DENND1B: variants seen among roughly 807,000 people sequenced by gnomAD.
The protein encoded by DENND1B is DENN domain containing 1B.
Under a neutral mutation model 90.1 loss-of-function variants are expected in DENND1B, and 59 were observed. That is an observed-to-expected ratio of 0.65 (90% confidence interval 0.53 to 0.81). The LOEUF is 0.81. Among genes scored for constraint, DENND1B ranks in the 40% least tolerant of loss-of-function variants. DENND1B has a pLI of 0.00. For synonymous variants in DENND1B, 337 were observed against 324.6 expected (o/e 1.04, Z -0.41); for missense variants, 862 against 912.6 (o/e 0.94, Z 0.71).
intron 2 of DENND1B, among the ~76,000 whole-genome samples, chr1:197,770,079 G>C (rs543358667): frequency 2.0e-5 from 3 of 151,928 alleles, no homozygotes; most frequent in Non-Finnish European, 4.4e-5. Flanking sequence ...TAAAATATTA[G>C]CCATATTCAT....
intron 2 of DENND1B, among the ~76,000 whole-genome samples, chr1:197,763,459 C>T (rs1053429212): frequency 4.6e-5 from 7 of 152,264 alleles, no homozygotes; most frequent in Admixed American, 2.0e-4. Flanking sequence ...AACAATCCAA[C>T]AAATATTTAC....
At chr1:197,571,045 A>C (rs1673105403) in intron 15 of DENND1B, among the ~76,000 whole-genome samples, 1 of 143,998 alleles carries the variant, frequency 6.9e-6, no homozygotes, top group African/African-American at 2.6e-5. Context: ...ACTCTAACCC[A>C]TAAGTAAGAG....
In DENND1B at chr1:197,545,906, T is replaced by C. The variant is rs1452758262; in HGVS notation, c.1350+16A>G. The C allele has an allele frequency of 1.3e-6, 2 of 1,588,056 alleles. No homozygotes were observed. The highest frequency in any genetic ancestry group is 2.3e-5 in the South Asian group (2 of 85,506). ...TAATTTCATAAATAGGATTGTTAAA[T>C]ATCAAAAAAACTTACAAATTTATAT... is the stretch of plus-strand genomic sequence containing the variant. On this transcript the variant is annotated intron_variant, in intron 18 of 22. Coordinates refer to ENST00000620048, the MANE Select transcript of DENND1B (RefSeq NM_001195215.2).
intron 12 of DENND1B, among the ~76,000 whole-genome samples, chr1:197,607,844 A>C (rs1443445253): frequency 6.6e-6 from 1 of 150,762 alleles, no homozygotes; most frequent in Non-Finnish European, 1.5e-5. Context: ...TCTACAAATA[A>C]TAGTAAATAA....
chr1:197,775,432 T>G lies in DENND1B; in HGVS notation c.-277A>C. 3.3e-6 allele frequency: 1 copy of G among 300,404 alleles called. No homozygotes were observed. Among genetic ancestry groups the G allele is most frequent in the Non-Finnish European group, 6.1e-6 (1 of 163,396 alleles). 18.6% of individuals were successfully genotyped at this position (300,404 alleles called of 1,614,324 possible). Reference sequence around the variant, plus strand: ...TAGCCGCCACCAAAGCTGAGGCCTCTCAGTTCCTGCGACCGGGGCCGCCCG... The same window carrying G: ...TAGCCGCCACCAAAGCTGAGGCCTCGCAGTTCCTGCGACCGGGGCCGCCCG... On this transcript the variant is annotated 5_prime_UTR_variant, in exon 1 of 23. Transcript: ENST00000620048.
chr1:197,707,818 G>A (rs916089219), intron 3 of DENND1B, among the ~76,000 whole-genome samples: 4 of 147,558 alleles, frequency 2.7e-5, no homozygotes, highest in South Asian at 4.2e-4. Context: ...CTGAGGTACC[G>A]GGTTCATCTC....
chr1:197,702,274 G>C (rs1194657782), intron 3 of DENND1B, among the ~76,000 whole-genome samples: 1 of 151,978 alleles, frequency 6.6e-6, no homozygotes, highest in Non-Finnish European at 1.5e-5. Flanking sequence ...TATAACTTTG[G>C]CTTAATAAAA....
chr1:197,565,832 T>C (rs1201679649), intron 15 of DENND1B, among the ~76,000 whole-genome samples: 1 of 150,270 alleles, frequency 6.7e-6, no homozygotes, highest in African/African-American at 2.5e-5. Flanking sequence ...TCATTTTTTA[T>C]GGCTGCATAG....
intron 7 of DENND1B, 67 bp from the exon 8 acceptor site, chr1:197,647,181 C>T (rs910782045): frequency 3.8e-5 from 43 of 1,141,094 alleles, no homozygotes; most frequent in Non-Finnish European, 4.8e-5. Flanking sequence ...CAACAATTTG[C>T]TGTGTAATTG....
intron 15 of DENND1B, among the ~76,000 whole-genome samples, chr1:197,580,899 G>A (rs574431461): frequency 6.6e-6 from 1 of 151,978 alleles, no homozygotes; most frequent in Non-Finnish European, 1.5e-5. Flanking sequence ...TAAATATTAC[G>A]TTTTAAATTG....
At chr1:197,530,303 T>C (rs1175162670) in intron 20 of DENND1B, among the ~76,000 whole-genome samples, 1 of 152,212 alleles carries the variant, frequency 6.6e-6, no homozygotes, top group Non-Finnish European at 1.5e-5. Context: ...CCCATTTTCA[T>C]CTTTTGAAAA....
chr1:197,569,524 CTGTCCATGAATGGATGAA>C (rs1672968513), intron 15 of DENND1B, among the ~76,000 whole-genome samples: 1 of 151,342 alleles, frequency 6.6e-6, no homozygotes, highest in Non-Finnish European at 1.5e-5. Context: ...ATCAACCTAA[CTGTCCATGAATGGATGAA>C]TACAAAAAGA....
At chr1:197,584,066 C>T (rs988577222) in intron 14 of DENND1B, among the ~76,000 whole-genome samples, 7 of 151,802 alleles carry the variant, frequency 4.6e-5, no homozygotes, top group Non-Finnish European at 1.0e-4. Flanking sequence ...AAAATGATTC[C>T]TTCATTACAA....
intron 20 of DENND1B, among the ~76,000 whole-genome samples, chr1:197,515,196 T>C (rs1668312498): frequency 1.3e-5 from 2 of 151,580 alleles, no homozygotes; most frequent in South Asian, 2.1e-4. Flanking sequence ...AAGGAATGAG[T>C]AGTAAAATAT....
At chr1:197,746,026 C>G (rs926548659) in intron 2 of DENND1B, among the ~76,000 whole-genome samples, 2 of 152,160 alleles carry the variant, frequency 1.3e-5, no homozygotes, top group Admixed American at 6.5e-5. Context: ...GCATTTACGA[C>G]TAATCCATTA....
At chr1:197,762,828 T>C (rs1655255481) in intron 2 of DENND1B, among the ~76,000 whole-genome samples, 1 of 152,198 alleles carries the variant, frequency 6.6e-6, no homozygotes, top group Admixed American at 6.5e-5. Flanking sequence ...CTGACATATT[T>C]CATTTAGCAT....
At chr1:197,666,470 TC>T (rs1654943756) in intron 5 of DENND1B, among the ~76,000 whole-genome samples, 1 of 152,224 alleles carries the variant, frequency 6.6e-6, no homozygotes, top group Non-Finnish European at 1.5e-5. Flanking sequence ...CTCTGGATCC[TC>T]CAAGTTTTCT....
chr1:197,735,592 A>C, intron 2 of DENND1B: 1 of 1,614,146 alleles, frequency 6.2e-7, no homozygotes. Flanking sequence ...TTACTCGAAA[A>C]TACAGGTTGG....
chr1:197,684,953 C>T (rs1052220019), intron 3 of DENND1B, among the ~76,000 whole-genome samples: 5 of 151,976 alleles, frequency 3.3e-5, no homozygotes, highest in Admixed American at 6.6e-5. Flanking sequence ...CCCGTCTCTA[C>T]TAAAAATACA....
Sources: gnomAD v4.1 joint callset for allele counts (sites outside exome capture counted in the v4.1 genomes callset) on GRCh38, gnomAD v4.1.1 for gene constraint, MANE v1.5 for transcripts, NCBI Gene and HGNC (gene_info 2026-07-23, HGNC 2026-07-21) for gene names.